Variants in ACOXL observed in about 807,000 individuals in gnomAD.
ACOXL encodes the protein acyl-CoA oxidase like.
A neutral mutation model predicts 71.9 loss-of-function variants in ACOXL; 70 were observed. The observed-to-expected ratio is 0.97, with a 90% CI of 0.80 to 1.19. The LOEUF is 1.19. ACOXL is among the 50% of genes most tolerant of loss of function. The pLI, the probability that ACOXL is intolerant of heterozygous loss-of-function variation, is 0.00. For missense variants in ACOXL, 703 were observed against 736.3 expected (o/e 0.95, Z 0.52); for synonymous variants, 253 against 281.6 (o/e 0.90, Z 1.02).
chr2:110,987,140 C>T lies in ACOXL; in HGVS notation c.1092C>T (p.Thr364=), dbSNP rs964107415. The part of the protein sequence containing the change: ...VVGRELLAQY[T]KQYEEKPLFG... Reference sequence around the variant, plus strand: ...GGCGGGAACTGCTGGCCCAATACACCAAACAGTATGAAGAAAAACCACTCT... The same window carrying T: ...GGCGGGAACTGCTGGCCCAATACACTAAACAGTATGAAGAAAAACCACTCT... Residue 364 remains threonine (T), a synonymous_variant, in exon 13 of 18, where the codon ACC becomes ACT. Transcript: ENST00000439055. 1.9e-6 allele frequency: 3 copies of T among 1,575,744 alleles called. No homozygotes were observed. Among genetic ancestry groups the T allele is most frequent in the Admixed American group, 3.6e-5 (2 of 55,514 alleles).
intron 10 of ACOXL, among the ~76,000 whole-genome samples, chr2:110,848,871 G>T (rs1353789758): frequency 6.6e-6 from 1 of 152,182 alleles, no homozygotes; most frequent in Non-Finnish European, 1.5e-5. Context: ...AGGCCCCTTG[G>T]GCTTCCCCGT....
At chr2:111,005,981 C>A (rs1237460422) in intron 14 of ACOXL, among the ~76,000 whole-genome samples, 1 of 152,172 alleles carries the variant, frequency 6.6e-6, no homozygotes, top group Non-Finnish European at 1.5e-5. Flanking sequence ...AAAACCAATA[C>A]AGCGGTCTGA....
At chr2:111,035,271 C>G (rs1293146842) in intron 15 of ACOXL, among the ~76,000 whole-genome samples, 1 of 152,174 alleles carries the variant, frequency 6.6e-6, no homozygotes, top group African/African-American at 2.4e-5. Flanking sequence ...CTCCGTTTGT[C>G]ACCTGAAAAC....
intron 1 of ACOXL, among the ~76,000 whole-genome samples, chr2:110,760,589 A>G (rs1204640596): frequency 6.6e-6 from 1 of 152,222 alleles, no homozygotes; most frequent in East Asian, 1.9e-4. Context: ...AATTGGACAG[A>G]CAGCCTCTCT....
intron 12 of ACOXL, among the ~76,000 whole-genome samples, chr2:110,948,377 T>C (rs994705784): frequency 6.6e-6 from 1 of 152,204 alleles, no homozygotes; most frequent in African/African-American, 2.4e-5. Flanking sequence ...CAGAGCCCTC[T>C]GCTTATTCAG....
chr2:110,798,296 G>C (rs1187224453), intron 5 of ACOXL, among the ~76,000 whole-genome samples: 154 of 147,010 alleles, frequency 1.0e-3, no homozygotes, highest in Non-Finnish European at 8.5e-4. Flanking sequence ...TCGCTCTGTC[G>C]CCCAGGCTGG....
chr2:110,824,218 A>G (rs1688927834), intron 9 of ACOXL, among the ~76,000 whole-genome samples: 1 of 152,186 alleles, frequency 6.6e-6, no homozygotes, highest in South Asian at 2.1e-4. Flanking sequence ...TGTTTCATTG[A>G]CTTAGGTGTC....
intron 9 of ACOXL, among the ~76,000 whole-genome samples, chr2:110,827,553 A>G (rs1429579288): frequency 1.3e-5 from 2 of 152,142 alleles, no homozygotes; most frequent in Non-Finnish European, 2.9e-5. Flanking sequence ...AGAGTCCCAG[A>G]GGGTTTCCAG....
At chr2:110,884,747 C>T (rs1054799143) in intron 10 of ACOXL, among the ~76,000 whole-genome samples, 1 of 152,086 alleles carries the variant, frequency 6.6e-6, no homozygotes, top group African/African-American at 2.4e-5. Context: ...CTAATTGAAT[C>T]CCCATGCCAT....
chr2:110,819,463 G>A (rs1688351770), intron 9 of ACOXL, among the ~76,000 whole-genome samples: 1 of 152,098 alleles, frequency 6.6e-6, no homozygotes, highest in Non-Finnish European at 1.5e-5. Flanking sequence ...GGGAGAAGGT[G>A]ACATTGTGCA....
intron 17 of ACOXL, chr2:111,093,518 C>T: frequency 1.2e-6 from 2 of 1,614,036 alleles, no homozygotes; most frequent in Non-Finnish European, 1.7e-6. Flanking sequence ...AGGTATAAGA[C>T]TCAGTCTCCA....
intron 11 of ACOXL, 30 bp downstream of exon 11, chr2:110,908,935 A>G: frequency 6.4e-7 from 1 of 1,555,394 alleles, no homozygotes. Context: ...TTGCTCTCTT[A>G]GGGTAAGTGT....
chr2:111,005,834 G>A (rs940420564), intron 14 of ACOXL, among the ~76,000 whole-genome samples: 2 of 152,124 alleles, frequency 1.3e-5, no homozygotes, highest in African/African-American at 2.4e-5. Context: ...AGATCTAGAG[G>A]AACTCAGAAG....
At chr2:111,033,424 G>A (rs1159112269) in intron 15 of ACOXL, among the ~76,000 whole-genome samples, 2 of 152,194 alleles carry the variant, frequency 1.3e-5, no homozygotes, top group Non-Finnish European at 2.9e-5. Context: ...TGCCCTATCT[G>A]TTCTACGAGC....
intron 12 of ACOXL, 135 bp from the exon 13 acceptor site, chr2:110,986,973 T>G: frequency 1.4e-6 from 1 of 718,768 alleles, no homozygotes; most frequent in Non-Finnish European, 2.3e-6. Flanking sequence ...GAGACCCTTG[T>G]AAGAATGAGG....
At chr2:110,981,230 C>T (rs554659762) in intron 12 of ACOXL, among the ~76,000 whole-genome samples, 2 of 152,148 alleles carry the variant, frequency 1.3e-5, no homozygotes, top group Non-Finnish European at 2.9e-5. Flanking sequence ...TGGTAGCAGG[C>T]GCCTGTAATC....
chr2:110,775,406 A>G (rs569169996), intron 2 of ACOXL, among the ~76,000 whole-genome samples: 16 of 152,306 alleles, frequency 1.1e-4, no homozygotes, highest in African/African-American at 3.4e-4. Flanking sequence ...CTACATCAAC[A>G]TCAAAATCTT....
intron 17 of ACOXL, among the ~76,000 whole-genome samples, chr2:111,111,059 C>G (rs767666263): frequency 6.6e-5 from 10 of 152,140 alleles, no homozygotes; most frequent in Non-Finnish European, 1.5e-4. Flanking sequence ...TTTGTACTTA[C>G]AAAACTAAAC....
At chr2:111,041,598 GC>G (rs150491863) in intron 15 of ACOXL, among the ~76,000 whole-genome samples, 104 of 135,884 alleles carry the variant, frequency 7.7e-4, no homozygotes, top group African/African-American at 2.7e-3. Context: ...GCCTCTGGCT[GC>G]CCCCGGCTCT....
Sources: allele counts gnomAD v4.1 joint callset (sites outside exome capture counted in the v4.1 genomes callset), GRCh38; gene constraint gnomAD v4.1.1; transcripts MANE v1.5; gene names NCBI Gene and HGNC (gene_info 2026-07-23, HGNC 2026-07-21).